PDE3A: variants seen among roughly 807,000 people sequenced by gnomAD.
The protein encoded by PDE3A is phosphodiesterase 3A.
PDE3A carries 43 observed loss-of-function variants against 98.3 expected under a neutral mutation model. The ratio of observed to expected loss-of-function variants is 0.44; its 90% CI spans 0.34 to 0.56. The LOEUF is 0.56. PDE3A is among the 20% of genes least tolerant of loss of function. The pLI is 0.01. For synonymous variants in PDE3A, 663 were observed against 567.9 expected, an observed-to-expected ratio of 1.17 and a Z score of -2.38; for missense variants, 1,427 against 1,440.7, an observed-to-expected ratio of 0.99 and a Z score of 0.15.
chr12:20,517,027 G>T (rs994713897), intron 1 of PDE3A, among the ~76,000 whole-genome samples: 2 of 152,194 alleles, frequency 1.3e-5, no homozygotes, highest in East Asian at 3.8e-4. Flanking sequence ...ATTTGCTCGT[G>T]TCTCACAGGC....
intron 12 of PDE3A, among the ~76,000 whole-genome samples, chr12:20,647,471 A>C (rs2121515747): frequency 6.6e-6 from 1 of 152,256 alleles, no homozygotes; most frequent in African/African-American, 2.4e-5. Context: ...ACAGTGAATA[A>C]ATTTAAAGTT....
chr12:20,478,741 A>C (rs1186008770), intron 1 of PDE3A, among the ~76,000 whole-genome samples: 1 of 152,196 alleles, frequency 6.6e-6, no homozygotes, highest in Non-Finnish European at 1.5e-5. Context: ...ATATTACAAA[A>C]TCCTTATTAA....
Position 20,562,025 on chromosome 12 carries a change from G to T in PDE3A, c.1011+5315G>T, listed in dbSNP as rs577751366. Among the ~76,000 whole-genome samples the T allele has an allele frequency of 2.0e-5, 3 of 152,170 alleles. No individual in the cohort carries two copies. In the East Asian group the frequency reaches 5.8e-4, roughly 29 times the overall value. On this transcript the variant is annotated intron_variant, in intron 2 of 15. Coordinates refer to ENST00000359062, the MANE Select transcript of PDE3A (RefSeq NM_000921.5). ...TAGTAGATCACCCAAATGTAGGAAA[G>T]ATGCTAAATGATAAATAAACTTCCA... is the stretch of plus-strand genomic sequence containing the variant.
intron 1 of PDE3A, among the ~76,000 whole-genome samples, chr12:20,417,488 T>G (rs189379679): frequency 1.4e-3 from 220 of 152,290 alleles, no homozygotes; most frequent in South Asian, 9.3e-3. Flanking sequence ...TGGTAGCACT[T>G]TATAAATAAA....
intron 1 of PDE3A, among the ~76,000 whole-genome samples, chr12:20,497,952 G>A (rs1945950600): frequency 6.6e-6 from 1 of 152,152 alleles, no homozygotes; most frequent in Non-Finnish European, 1.5e-5. Flanking sequence ...AATCATGTAA[G>A]TCAATATATC....
At chr12:20,514,719 A>G (rs2121128334) in intron 1 of PDE3A, among the ~76,000 whole-genome samples, 1 of 152,320 alleles carries the variant, frequency 6.6e-6, no homozygotes, top group Non-Finnish European at 1.5e-5. Context: ...TGCTAGAAAA[A>G]GTTGAGAGAC....
At chr12:20,614,067 T>C (rs1943937955) in intron 3 of PDE3A, among the ~76,000 whole-genome samples, 1 of 152,184 alleles carries the variant, frequency 6.6e-6, no homozygotes, top group South Asian at 2.1e-4. Flanking sequence ...CAGATTCTGT[T>C]TAAAATTCAT....
chr12:20,664,547 T>C (rs1389109887), intron 15 of PDE3A, among the ~76,000 whole-genome samples: 1 of 152,160 alleles, frequency 6.6e-6, no homozygotes, highest in Non-Finnish European at 1.5e-5. Flanking sequence ...CCAATAATTC[T>C]CATGTGTTGT....
At chr12:20,558,583 C>CA (rs1942429759) in intron 2 of PDE3A, among the ~76,000 whole-genome samples, 1 of 151,252 alleles carries the variant, frequency 6.6e-6, no homozygotes, top group South Asian at 2.1e-4. Context: ...AGAACCATAG[C>CA]AAAAAACATT....
intron 15 of PDE3A, among the ~76,000 whole-genome samples, chr12:20,675,293 A>G (rs1012932959): frequency 1.3e-5 from 2 of 152,090 alleles, no homozygotes; most frequent in Non-Finnish European, 2.9e-5. Context: ...TATAATTTAG[A>G]TTTTTAAAAA....
At chr12:20,456,272 G>A (rs971687371) in intron 1 of PDE3A, among the ~76,000 whole-genome samples, 1 of 152,114 alleles carries the variant, frequency 6.6e-6, no homozygotes, top group African/African-American at 2.4e-5. Flanking sequence ...AAATACATAA[G>A]CAGGTAGAAT....
At chr12:20,667,036 G>C (rs1262441278) in intron 15 of PDE3A, among the ~76,000 whole-genome samples, 2 of 152,046 alleles carry the variant, frequency 1.3e-5, no homozygotes, top group African/African-American at 4.8e-5. Context: ...GTGATATTGA[G>C]CATTTTTTCA....
intron 15 of PDE3A, among the ~76,000 whole-genome samples, chr12:20,665,008 T>C (rs890812439): frequency 1.3e-5 from 2 of 152,182 alleles, no homozygotes; most frequent in Non-Finnish European, 2.9e-5. Flanking sequence ...CATACAAATA[T>C]ATCTCATATT....
chr12:20,498,279 C>T (rs12319897), intron 1 of PDE3A, among the ~76,000 whole-genome samples: 3 of 152,018 alleles, frequency 2.0e-5, no homozygotes, highest in Non-Finnish European at 4.4e-5. Context: ...CGCCCACCCC[C>T]CCAACTGAAG....
rs771237504 is a variant in PDE3A, at chr12:20,637,218, G to T, written c.2120G>T (p.Cys707Phe). ...TTAGTGGAAAATATAGGAAGAAAAT[G>T]TGGCCGTATTCTTAGTCAGGTAAGA... ...FDLVENIGRK[C>F]GRILSQVSYR... Residue 707 changes from cysteine to phenylalanine, a missense_variant, in exon 9 of 16, where the codon TGT becomes TTT. Physicochemically the swap from Cys to Phe is radical, Grantham distance 205 (BLOSUM62 -2). Transcript: ENST00000359062. 1 of 1,608,106 alleles carries T rather than the reference G, an allele frequency of 6.2e-7. No individual in the cohort carries two copies. The highest frequency in any genetic ancestry group is 1.7e-5 in the Admixed American group (1 of 59,640).
intron 1 of PDE3A, among the ~76,000 whole-genome samples, chr12:20,498,879 G>A (rs934956201): frequency 5.9e-5 from 9 of 151,640 alleles, no homozygotes; most frequent in Non-Finnish European, 1.5e-5. Context: ...CTGCCCCTCT[G>A]CCTCAGTATG....
At chr12:20,449,190 C>A (rs748909122) in intron 1 of PDE3A, among the ~76,000 whole-genome samples, 10 of 152,178 alleles carry the variant, frequency 6.6e-5, no homozygotes, top group African/African-American at 9.7e-5. Flanking sequence ...CAAATTGTCC[C>A]CTAGCAAGAG....
intron 1 of PDE3A, among the ~76,000 whole-genome samples, chr12:20,380,385 G>A (rs755216917): frequency 3.3e-5 from 5 of 151,794 alleles, no homozygotes; most frequent in Non-Finnish European, 5.9e-5. Flanking sequence ...AAAATCAGAA[G>A]CTTATAGGGT....
At chr12:20,452,682 A>G (rs1478506960) in intron 1 of PDE3A, among the ~76,000 whole-genome samples, 1 of 152,220 alleles carries the variant, frequency 6.6e-6, no homozygotes, top group Non-Finnish European at 1.5e-5. Context: ...AATGATCTGC[A>G]AAACCCACCT....
Sources: gnomAD v4.1 joint callset for allele counts (sites outside exome capture counted in the v4.1 genomes callset) on GRCh38, gnomAD v4.1.1 for gene constraint, MANE v1.5 for transcripts, NCBI Gene and HGNC (gene_info 2026-07-23, HGNC 2026-07-21) for gene names.